The following RAPGEF2 variants were observed in gnomAD, a reference collection of about 807,000 sequenced individuals.
The protein encoded by RAPGEF2 is PDZ domain containing guanine nucleotide exchange factor (GEF) 1.
In RAPGEF2, 54 loss-of-function variants were observed where a neutral mutation model predicts 186.7. That is an observed-to-expected ratio of 0.29 (90% CI 0.23 to 0.36). The LOEUF is 0.36. RAPGEF2 is among the 10% of genes least tolerant of loss of function. RAPGEF2 has a pLI of 1.00. For synonymous variants in RAPGEF2, 712 were observed against 705.9 expected, an observed-to-expected ratio of 1.01 and a Z score of -0.14; for missense variants, 1,532 against 2,045.0, an observed-to-expected ratio of 0.75 and a Z score of 4.84.
chr4:159,107,593 C>T (rs1157816403), intron 1 of RAPGEF2, among the ~76,000 whole-genome samples: 1 of 152,142 alleles, frequency 6.6e-6, no homozygotes, highest in Non-Finnish European at 1.5e-5. Context: ...CACCCCATCT[C>T]CTCCTATTTA....
intron 1 of RAPGEF2, among the ~76,000 whole-genome samples, chr4:159,104,553 A>AGAGAGAGTGTGTGT (rs1553991869): frequency 7.4e-6 from 1 of 136,028 alleles, no homozygotes; most frequent in Non-Finnish European, 1.6e-5. Context: ...AGAGAGAGAG[A>AGAGAGAGTGTGTGT]GTGTGTGTGT....
At chr4:159,179,024 A>G (rs531360531) in intron 1 of RAPGEF2, among the ~76,000 whole-genome samples, 15 of 152,306 alleles carry the variant, frequency 9.8e-5, no homozygotes, top group South Asian at 6.2e-4. Context: ...TCTTTGTCCA[A>G]TGTGCTACCA....
At chr4:159,296,244 T>G (rs1411093053) in intron 7 of RAPGEF2, among the ~76,000 whole-genome samples, 2 of 152,172 alleles carry the variant, frequency 1.3e-5, no homozygotes, top group Non-Finnish European at 2.9e-5. Context: ...TTAAACAAAT[T>G]AGAAGGAATG....
At chr4:159,141,914 G>A (rs545187376) in intron 1 of RAPGEF2, among the ~76,000 whole-genome samples, 1 of 152,202 alleles carries the variant, frequency 6.6e-6, no homozygotes, top group East Asian at 1.9e-4. Context: ...AAACAAATGG[G>A]ATCCAGAAAA....
chr4:159,127,837 C>G (rs958236815), intron 1 of RAPGEF2, among the ~76,000 whole-genome samples: 26 of 152,112 alleles, frequency 1.7e-4, no homozygotes, highest in African/African-American at 6.3e-4. Context: ...CAACATTGTT[C>G]AGGCTTGTAA....
In RAPGEF2 at chr4:159,353,938, A is replaced by G. The variant is rs749563522; in HGVS notation, c.4543A>G (p.Ile1515Val). ...GCGGAGGGGTGGAAAGGATGTTTCC[A>G]TTGAAGCCGAAAGCAGTAGCCTAAC... ...IKRRGGKDVS[I>V]EAESSSLTSV... Residue 1515 changes from isoleucine (I) to valine (V), a missense_variant, in exon 28 of 30, where the codon ATT becomes GTT. Around this residue, in one of 4 missense-constraint regions of RAPGEF2, gnomAD observed 594 missense variants for 608.5 expected, o/e 0.98. Transcript: ENST00000691494. This position sits in a 1 kb window ranked among gnomAD's most constrained non-coding sequence, Gnocchi z 4.3. The G allele has an allele frequency of 1.2e-6, 2 of 1,614,114 alleles. No individual in the cohort carries two copies. Among genetic ancestry groups the G allele is most frequent in the African/African-American group, 1.3e-5 (1 of 75,040 alleles).
intron 18 of RAPGEF2, 26 bp from the exon 19 acceptor site, chr4:159,339,088 A>C: frequency 7.5e-6 from 12 of 1,606,542 alleles, no homozygotes; most frequent in Non-Finnish European, 1.0e-5. Context: ...CTTTCTACTT[A>C]TGTGTGTGAT....
At position 159,119,628 on chromosome 4, in the gene RAPGEF2, C is replaced by G. The variant is rs542125542; in HGVS notation, c.69+15397C>G. Among the ~76,000 whole-genome samples, 6 of 152,266 alleles carry G rather than the reference C, an allele frequency of 3.9e-5. No homozygotes were observed. In the South Asian group the frequency reaches 6.2e-4, roughly 16 times the overall value. On this transcript the variant is annotated intron_variant, in intron 1 of 29. Coordinates refer to ENST00000691494, the MANE Select transcript of RAPGEF2 (RefSeq NM_001394067.2). ...TTACTGTAGCTACGGTTATGGAATG[C>G]AGGTATATTCAACTTCTTGGTTCGC...
At chr4:159,305,307 T>G (rs991178118) in intron 8 of RAPGEF2, among the ~76,000 whole-genome samples, 7 of 152,192 alleles carry the variant, frequency 4.6e-5, no homozygotes, top group African/African-American at 1.7e-4. Flanking sequence ...CAGCTGCATA[T>G]AAGTGTTCTC....
At chr4:159,105,321 T>A (rs1414436041) in intron 1 of RAPGEF2, among the ~76,000 whole-genome samples, 2 of 152,256 alleles carry the variant, frequency 1.3e-5, no homozygotes, top group African/African-American at 4.8e-5. Context: ...GCTTGTTAGA[T>A]GTTGGATGCC....
At chr4:159,303,288 A>C (rs1256909147) in intron 7 of RAPGEF2, among the ~76,000 whole-genome samples, 1 of 152,114 alleles carries the variant, frequency 6.6e-6, no homozygotes, top group East Asian at 1.9e-4. Context: ...GAGCCTCAAA[A>C]GGTGGACGGG....
At chr4:159,255,254 C>T (rs573053666) in intron 7 of RAPGEF2, among the ~76,000 whole-genome samples, 1 of 152,194 alleles carries the variant, frequency 6.6e-6, no homozygotes, top group African/African-American at 2.4e-5. Flanking sequence ...GTCATTCTGT[C>T]GTTATGATGT....
chr4:159,153,056 CTT>C (rs1271128642), intron 1 of RAPGEF2, among the ~76,000 whole-genome samples: 1 of 152,126 alleles, frequency 6.6e-6, no homozygotes, highest in East Asian at 1.9e-4. Flanking sequence ...TGTTTATACA[CTT>C]TTTTATATTG....
At chr4:159,125,113 G>A (rs1164311339) in intron 1 of RAPGEF2, among the ~76,000 whole-genome samples, 1 of 151,816 alleles carries the variant, frequency 6.6e-6, no homozygotes, top group Non-Finnish European at 1.5e-5. Context: ...TTGTTATTAA[G>A]CCACACGCAA....
At chr4:159,335,944 A>G (rs567687895) in intron 17 of RAPGEF2, among the ~76,000 whole-genome samples, 1 of 151,956 alleles carries the variant, frequency 6.6e-6, no homozygotes, top group African/African-American at 2.4e-5. Context: ...CTGAGCCCAT[A>G]GTAATGATCT....
intron 4 of RAPGEF2, among the ~76,000 whole-genome samples, chr4:159,227,394 CTA>C (rs1752155090): frequency 6.6e-6 from 1 of 152,194 alleles, no homozygotes; most frequent in South Asian, 2.1e-4. Context: ...GCTTCCTTGT[CTA>C]TACAACTCAT....
At chr4:159,126,467 A>G (rs1740307495) in intron 1 of RAPGEF2, among the ~76,000 whole-genome samples, 1 of 151,970 alleles carries the variant, frequency 6.6e-6, no homozygotes, top group South Asian at 2.1e-4. Flanking sequence ...TTTTCTTTAT[A>G]TATGAAATAA....
At chr4:159,208,550 G>C (rs1244316591) in intron 3 of RAPGEF2, among the ~76,000 whole-genome samples, 1 of 152,198 alleles carries the variant, frequency 6.6e-6, no homozygotes, top group Non-Finnish European at 1.5e-5. Context: ...CCATAAAATA[G>C]AGTGTGGCTT....
At chr4:159,228,578 T>C (rs1437272084) in intron 4 of RAPGEF2, among the ~76,000 whole-genome samples, 1 of 152,170 alleles carries the variant, frequency 6.6e-6, no homozygotes, top group African/African-American at 2.4e-5. Flanking sequence ...GTTAATTTTA[T>C]GTGGGGTGAT....
Sources: gnomAD v4.1 joint callset for allele counts (sites outside exome capture counted in the v4.1 genomes callset) on GRCh38, gnomAD v4.1.1 for gene constraint, gnomAD v4.1.1 regional missense constraint, Gnocchi (gnomAD v3.1) non-coding constraint, MANE v1.5 for transcripts, NCBI Gene and HGNC (gene_info 2026-07-23, HGNC 2026-07-21) for gene names.